Variants in THOC5 observed in about 807,000 individuals in gnomAD.
The protein encoded by THOC5 is THO complex subunit 5.
In THOC5, 43 loss-of-function variants were observed where a neutral mutation model predicts 92.9. The ratio of observed to expected loss-of-function variants is 0.46; its 90% CI spans 0.36 to 0.60. THOC5 has a LOEUF of 0.60. Ranked by LOEUF, THOC5 falls within the 20% of genes least tolerant of loss-of-function variation. The pLI, the probability that THOC5 is intolerant of heterozygous loss-of-function variation, is 0.00. For missense variants in THOC5, 659 were observed against 849.4 expected (o/e 0.78, Z 2.79); for synonymous variants, 296 against 320.1 (o/e 0.92, Z 0.80).
In THOC5 at chr22:29,508,509, C is replaced by T; in HGVS notation, c.2000G>A (p.Arg667Lys). The T allele has an allele frequency of 6.2e-7, 1 of 1,614,054 alleles. No homozygotes were observed. ...MCLRLFRGPS[R>K]MKPFKYNHPQ... The stretch of plus-strand genomic sequence containing the variant: ...ATGGTTGTATTTAAATGGCTTCATC[C>T]TGCTAGGACCCCTAGAGAAATAGGA... Residue 667 changes from arginine (R) to lysine (K), a missense_variant, in exon 20 of 20, where the codon AGG (arginine) becomes AAG (lysine). Physicochemically the swap from Arg to Lys is conservative, Grantham distance 26 (BLOSUM62 2). Coordinates refer to ENST00000490103, the MANE Select transcript of THOC5 (RefSeq NM_003678.5).
intron 5 of THOC5, 53 bp from the exon 6 acceptor site, chr22:29,539,529 G>A: frequency 1.9e-6 from 3 of 1,582,704 alleles, no homozygotes; most frequent in Non-Finnish European, 2.6e-6. Flanking sequence ...CTAAACTGTA[G>A]TTTAAGCAGG....
intron 19 of THOC5, among the ~76,000 whole-genome samples, chr22:29,509,065 G>A (rs1233957731): frequency 6.6e-6 from 1 of 152,100 alleles, no homozygotes; most frequent in South Asian, 2.1e-4. Flanking sequence ...CCTGGCCGGA[G>A]AGCCTTGCCT....
At chr22:29,515,391 G>A (rs2063315120) in intron 17 of THOC5, among the ~76,000 whole-genome samples, 1 of 152,122 alleles carries the variant, frequency 6.6e-6, no homozygotes, top group African/African-American at 2.4e-5. Context: ...AGACTATAGT[G>A]CAAACATAAC....
At chr22:29,550,022 T>C (rs1418345576) in intron 1 of THOC5, among the ~76,000 whole-genome samples, 1 of 152,122 alleles carries the variant, frequency 6.6e-6, no homozygotes, top group Non-Finnish European at 1.5e-5. Flanking sequence ...CTCTACCCTC[T>C]TCCCCCTGAG....
chr22:29,532,854 T>G (rs1037326709), intron 7 of THOC5, among the ~76,000 whole-genome samples: 4 of 152,040 alleles, frequency 2.6e-5, no homozygotes, highest in Non-Finnish European at 5.9e-5. Context: ...GGCACGCACC[T>G]GTAATCCCAG....
intron 12 of THOC5, among the ~76,000 whole-genome samples, chr22:29,523,299 G>A (rs936553212): frequency 6.6e-6 from 1 of 151,802 alleles, no homozygotes; most frequent in Non-Finnish European, 1.5e-5. Context: ...TGTCAGGGAG[G>A]ATTTTTAAAA....
At chr22:29,553,285 TG>T (rs2064215945) in intron 1 of THOC5, among the ~76,000 whole-genome samples, 1 of 151,834 alleles carries the variant, frequency 6.6e-6, no homozygotes, top group South Asian at 2.1e-4. Flanking sequence ...GTAGTAGAGG[TG>T]GTAAGTTGAT....
At chr22:29,552,638 T>C (rs2064189944) in intron 1 of THOC5, among the ~76,000 whole-genome samples, 3 of 136,702 alleles carry the variant, frequency 2.2e-5, no homozygotes, top group African/African-American at 8.4e-5. Context: ...CGCCTCCGCC[T>C]GGCCGCCACC....
intron 7 of THOC5, chr22:29,535,400 A>G (rs950141282): frequency 3.9e-5 from 6 of 152,054 alleles, no homozygotes; most frequent in African/African-American, 1.5e-4. Context: ...AGTAGCTGCT[A>G]ATGGTCTGCT....
chr22:29,544,946 G>A, intron 2 of THOC5: 1 of 303,714 alleles, frequency 3.3e-6, no homozygotes, highest in South Asian at 2.7e-5. Flanking sequence ...AAACAAAACG[G>A]GATCATACTG....
At position 29,525,826 on chromosome 22, in the gene THOC5, C is replaced by A. The variant is rs776853002; in HGVS notation, c.1175+12G>T. 16 of 1,609,002 alleles carry A rather than the reference C, an allele frequency of 9.9e-6. No individual in the cohort carries two copies. Among genetic ancestry groups the A allele is most frequent in the Middle Eastern group, 1.8e-4 (1 of 5,652 alleles). ...ATCCCGCACGTCATTGCCCAGAGCG[C>A]CTGCTCAATACCCTGCACTGATGGG... On this transcript the variant is annotated intron_variant, in intron 12 of 19. Coordinates refer to ENST00000490103, the MANE Select transcript of THOC5 (RefSeq NM_003678.5).
intron 2 of THOC5, among the ~76,000 whole-genome samples, chr22:29,546,245 TC>T (rs1175214259): frequency 1.3e-5 from 2 of 152,080 alleles, no homozygotes; most frequent in African/African-American, 2.4e-5. Context: ...CACTTTTTCC[TC>T]CTGGGCCTCT....
chr22:29,522,519 C>T (rs1290483300), intron 12 of THOC5, among the ~76,000 whole-genome samples: 1 of 151,814 alleles, frequency 6.6e-6, no homozygotes, highest in Non-Finnish European at 1.5e-5. Flanking sequence ...TTGACAAAAC[C>T]TGATGAAGGA....
intron 19 of THOC5, among the ~76,000 whole-genome samples, chr22:29,509,408 G>A (rs920047312): frequency 1.3e-5 from 2 of 152,198 alleles, no homozygotes; most frequent in African/African-American, 4.8e-5. Flanking sequence ...CAGGTGAGAA[G>A]AGCAGAGGTC....
At chr22:29,541,949 C>T (rs1398335695) in intron 5 of THOC5, among the ~76,000 whole-genome samples, 1 of 137,064 alleles carries the variant, frequency 7.3e-6, no homozygotes, top group African/African-American at 2.7e-5. Context: ...TAATAGGGCC[C>T]CTGCATATGT....
At chr22:29,544,165 T>C (rs996933801) in intron 3 of THOC5, among the ~76,000 whole-genome samples, 10 of 152,352 alleles carry the variant, frequency 6.6e-5, no homozygotes, top group Non-Finnish European at 1.0e-4. Context: ...AATGTATAAG[T>C]ACCATCATTT....
intron 8 of THOC5, chr22:29,531,038 C>T (rs1043745951): frequency 1.5e-5 from 16 of 1,074,314 alleles, no homozygotes; most frequent in Non-Finnish European, 1.8e-5. Context: ...CAGAATGGAA[C>T]AGGCCGATTT....
At chr22:29,549,207 A>G in intron 1 of THOC5, 49 bp from the exon 2 acceptor site, 1 of 1,542,782 alleles carries the variant, frequency 6.5e-7, no homozygotes, top group South Asian at 1.1e-5. Flanking sequence ...CATAACACTG[A>G]AGTCAAACTA....
At chr22:29,541,463 G>C (rs1292619849) in intron 5 of THOC5, among the ~76,000 whole-genome samples, 2 of 144,182 alleles carry the variant, frequency 1.4e-5, no homozygotes, top group Non-Finnish European at 3.0e-5. Flanking sequence ...AGCCAGGATT[G>C]TGCCACCACA....
Sources: gnomAD v4.1 joint callset for allele counts (sites outside exome capture counted in the v4.1 genomes callset) on GRCh38, gnomAD v4.1.1 for gene constraint, MANE v1.5 for transcripts, NCBI Gene and HGNC (gene_info 2026-07-23, HGNC 2026-07-21) for gene names.